Variants in CCDC178 observed in about 807,000 individuals in gnomAD.
CCDC178 encodes the protein coiled-coil domain-containing protein 178.
CCDC178 carries 126 observed loss-of-function variants against 117.4 expected under a neutral mutation model. The observed-to-expected ratio is 1.07, with a 90% CI of 0.93 to 1.24. The LOEUF is 1.24. CCDC178 is among the 50% of genes most tolerant of loss of function. The pLI is 0.00. For missense variants in CCDC178, 1,030 were observed against 986.9 expected (o/e 1.04, Z -0.59); for synonymous variants, 283 against 313.4 (o/e 0.90, Z 1.02).
chr18:32,960,733 A>G (rs986947436), intron 22 of CCDC178, among the ~76,000 whole-genome samples: 3 of 152,038 alleles, frequency 2.0e-5, no homozygotes, highest in African/African-American at 7.2e-5. Flanking sequence ...CCAAAAATCG[A>G]TTCAGCCTGA....
At chr18:33,376,683 A>G (rs981061042) in intron 5 of CCDC178, among the ~76,000 whole-genome samples, 8 of 152,124 alleles carry the variant, frequency 5.3e-5, no homozygotes, top group African/African-American at 1.9e-4. Flanking sequence ...GCTCCCACTT[A>G]TAAGTGAGAA....
chr18:33,293,338 TA>T (rs766089482), intron 11 of CCDC178, 26 bp from the exon 12 acceptor site: 3 of 1,371,498 alleles, frequency 2.2e-6, no homozygotes, highest in Non-Finnish European at 3.0e-6. Flanking sequence ...CAGTTTATTT[TA>T]TTCACATTAA....
intron 21 of CCDC178, among the ~76,000 whole-genome samples, chr18:33,081,670 A>AT (rs886591048): frequency 6.6e-5 from 10 of 152,084 alleles, no homozygotes; most frequent in African/African-American, 1.9e-4. Flanking sequence ...TCTTTAAAAT[A>AT]TTTTTTTCTT....
intron 21 of CCDC178, among the ~76,000 whole-genome samples, chr18:33,069,913 T>A (rs1359439556): frequency 6.6e-6 from 1 of 151,846 alleles, no homozygotes; most frequent in African/African-American, 2.4e-5. Flanking sequence ...GACCAATAGG[T>A]AAATGAAAAA....
chr18:33,122,642 G>A (rs8096707), intron 20 of CCDC178, among the ~76,000 whole-genome samples: 3,164 of 152,176 alleles, frequency 0.021, 127 homozygotes, highest in African/African-American at 0.072. Context: ...GCCATGGACA[G>A]ATGATAAATG....
intron 9 of CCDC178, among the ~76,000 whole-genome samples, chr18:33,342,985 C>T (rs566221302): frequency 3.3e-5 from 5 of 152,316 alleles, no homozygotes; most frequent in East Asian, 1.9e-4. Flanking sequence ...TTTCTGATTA[C>T]ACCCTTTCTG....
intron 21 of CCDC178, among the ~76,000 whole-genome samples, chr18:33,036,511 G>A (rs531846502): frequency 6.6e-6 from 1 of 151,916 alleles, no homozygotes; most frequent in Admixed American, 6.6e-5. Flanking sequence ...AGCTTTTTGA[G>A]CAAAATGGTA....
chr18:33,283,611 AAACACTTTTT>A (rs2060051847), intron 12 of CCDC178, among the ~76,000 whole-genome samples: 4 of 152,196 alleles, frequency 2.6e-5, no homozygotes. Context: ...GGACAAGAGC[AAACACTTTTT>A]AAAAGCTTAC....
At chr18:33,310,879 T>A (rs1000406063) in intron 11 of CCDC178, among the ~76,000 whole-genome samples, 1 of 152,174 alleles carries the variant, frequency 6.6e-6, no homozygotes, top group Non-Finnish European at 1.5e-5. Context: ...CCAATCGCCC[T>A]TGGACTCCTC....
chr18:33,281,306 T>C (rs962787489), intron 12 of CCDC178, among the ~76,000 whole-genome samples: 13 of 151,938 alleles, frequency 8.6e-5, no homozygotes, highest in Non-Finnish European at 2.9e-5. Context: ...CTATCTCTTT[T>C]ACAATATAAT....
intron 4 of CCDC178, among the ~76,000 whole-genome samples, chr18:33,395,602 C>T (rs112709392): frequency 4.9e-4 from 75 of 152,182 alleles, no homozygotes; most frequent in African/African-American, 1.8e-3. Context: ...CATCATTGGA[C>T]ACTCTACCGA....
chr18:33,140,559 C>T (rs1475322624), intron 20 of CCDC178, among the ~76,000 whole-genome samples: 4 of 152,160 alleles, frequency 2.6e-5, no homozygotes, highest in East Asian at 1.9e-4. Flanking sequence ...TTCAGACTTG[C>T]ATGGGACCTG....
chr18:33,314,114 T>C (rs1191880941), intron 11 of CCDC178, among the ~76,000 whole-genome samples: 1 of 137,270 alleles, frequency 7.3e-6, no homozygotes, highest in East Asian at 2.2e-4. Context: ...GGCAGGAGAA[T>C]GGCGTGAACC....
chr18:33,058,891 G>A (rs2056873806), intron 21 of CCDC178, among the ~76,000 whole-genome samples: 1 of 152,056 alleles, frequency 6.6e-6, no homozygotes, highest in African/African-American at 2.4e-5. Flanking sequence ...ACACAATTTT[G>A]AAGATGAAAT....
At chr18:33,041,413 A>G (rs1283439515) in intron 21 of CCDC178, among the ~76,000 whole-genome samples, 1 of 150,934 alleles carries the variant, frequency 6.6e-6, no homozygotes, top group Non-Finnish European at 1.5e-5. Flanking sequence ...TATCAATGAA[A>G]CATTTTATAT....
chr18:33,408,577 T>A (rs954747045), intron 3 of CCDC178, among the ~76,000 whole-genome samples: 4 of 152,044 alleles, frequency 2.6e-5, no homozygotes, highest in Non-Finnish European at 2.9e-5. Context: ...CACCAGGTTC[T>A]ATTCTTTAAG....
At chr18:33,184,243 G>A (rs2058764116) in intron 20 of CCDC178, among the ~76,000 whole-genome samples, 1 of 151,952 alleles carries the variant, frequency 6.6e-6, no homozygotes, top group South Asian at 2.1e-4. Flanking sequence ...TATAACATTA[G>A]TAGATATTTG....
intron 12 of CCDC178, among the ~76,000 whole-genome samples, chr18:33,270,322 A>G (rs1288958512): frequency 1.3e-5 from 2 of 151,610 alleles, no homozygotes. Context: ...CAAAAAGTAT[A>G]TTCAAATAAA....
At chr18:33,062,526 T>C (rs569951331) in intron 21 of CCDC178, among the ~76,000 whole-genome samples, 72 of 152,256 alleles carry the variant, frequency 4.7e-4, no homozygotes, top group Non-Finnish European at 1.0e-3. Flanking sequence ...CTGGCTGGAA[T>C]TGACTCAGAG....
Sources: allele counts gnomAD v4.1 joint callset (sites outside exome capture counted in the v4.1 genomes callset), GRCh38; gene constraint gnomAD v4.1.1; transcripts MANE v1.5; gene names NCBI Gene and HGNC (gene_info 2026-07-23, HGNC 2026-07-21).